The following CNTN6 variants were observed in gnomAD, a reference collection of about 807,000 sequenced individuals.
CNTN6 encodes contactin 6, also known as contactin-6.
In CNTN6, 137 loss-of-function variants were observed where a neutral mutation model predicts 122.8. The ratio of observed to expected loss-of-function variants is 1.12; its 90% CI spans 0.97 to 1.29. The LOEUF (loss-of-function observed/expected upper bound fraction) is 1.29. Ranked by LOEUF, CNTN6 falls within the 50% of genes most tolerant of loss-of-function variation. The probability of loss-of-function intolerance (pLI) is 0.00; values close to 1 mark genes in which losing one functional copy is unlikely to be tolerated. For missense variants in CNTN6, 1,634 were observed against 1,223.4 expected, an observed-to-expected ratio of 1.34 and a Z score of -5.01; for synonymous variants, 570 against 426.0, an observed-to-expected ratio of 1.34 and a Z score of -4.16.
At chr3:1,392,194 G>C (rs1694258886) in intron 20 of CNTN6, among the ~76,000 whole-genome samples, 1 of 152,246 alleles carries the variant, frequency 6.6e-6, no homozygotes, top group African/African-American at 2.4e-5. Context: ...CATGGTACTG[G>C]TACCAAAACA....
intron 4 of CNTN6, among the ~76,000 whole-genome samples, chr3:1,250,604 C>T (rs1010248690): frequency 1.4e-4 from 22 of 152,138 alleles, no homozygotes; most frequent in Admixed American, 1.4e-3. Flanking sequence ...ATTCTTAGGT[C>T]ACCCCTCATT....
At chr3:1,190,447 C>T (rs1214851359) in intron 2 of CNTN6, among the ~76,000 whole-genome samples, 1 of 152,184 alleles carries the variant, frequency 6.6e-6, no homozygotes, top group Non-Finnish European at 1.5e-5. Flanking sequence ...CTGAAACCGC[C>T]TTGCTTTTTG....
chr3:1,223,097 A>C (rs2094230721), intron 3 of CNTN6, among the ~76,000 whole-genome samples: 1 of 152,180 alleles, frequency 6.6e-6, no homozygotes, highest in Admixed American at 6.5e-5. Context: ...AAAAAGCCTC[A>C]CAACTATATT....
chr3:1,188,938 GTTATT>G (rs1226295952), intron 2 of CNTN6, among the ~76,000 whole-genome samples: 1 of 152,158 alleles, frequency 6.6e-6, no homozygotes, highest in Non-Finnish European at 1.5e-5. Context: ...CTAGGCTTGA[GTTATT>G]TTATTTGATT....
At chr3:1,098,783 C>CAT (rs1330153033) in intron 1 of CNTN6, among the ~76,000 whole-genome samples, 15 of 54,114 alleles carry the variant, frequency 2.8e-4, no homozygotes, top group East Asian at 5.8e-4. Flanking sequence ...CACACACACA[C>CAT]ACACACATAT....
At chr3:1,170,052 T>A (rs903553843) in intron 2 of CNTN6, among the ~76,000 whole-genome samples, 1 of 151,820 alleles carries the variant, frequency 6.6e-6, no homozygotes, top group Non-Finnish European at 1.5e-5. Flanking sequence ...CTGGCCAACA[T>A]TGTGAAGCCC....
chr3:1,319,153 A>G (rs910809843), intron 7 of CNTN6, among the ~76,000 whole-genome samples: 1 of 151,642 alleles, frequency 6.6e-6, no homozygotes, highest in African/African-American at 2.4e-5. Flanking sequence ...ACAAATACCT[A>G]GGCTTCAAGG....
Position 1,382,690 on chromosome 3 carries a change from GA to G in CNTN6, c.2167-247del, listed in dbSNP as rs565173132. Among the ~76,000 whole-genome samples the G allele has an allele frequency of 1.4e-4, 21 of 152,136 alleles. No individual in the cohort carries two copies. In the South Asian group the frequency reaches 4.1e-3, roughly 30 times the overall value. On this transcript the variant is annotated intron_variant, in intron 17 of 22. Transcript: ENST00000446702. Reference sequence around the variant, plus strand: ...TTATTATAATTTATGAATGATCAAAGAAAAATATATAAATATGTAAAGCTTG... The same window carrying G: ...TTATTATAATTTATGAATGATCAAAGAAAATATATAAATATGTAAAGCTTG...
At chr3:1,266,881 A>T (rs1013204686) in intron 4 of CNTN6, among the ~76,000 whole-genome samples, 1 of 146,868 alleles carries the variant, frequency 6.8e-6, no homozygotes, top group Non-Finnish European at 1.5e-5. Flanking sequence ...CTGGCCCAGG[A>T]GTGAATTACA....
intron 2 of CNTN6, among the ~76,000 whole-genome samples, chr3:1,158,537 A>C (rs2093028865): frequency 6.6e-6 from 1 of 151,450 alleles, no homozygotes; most frequent in Non-Finnish European, 1.5e-5. Flanking sequence ...TTTAAACTTG[A>C]TATGATCCCA....
intron 4 of CNTN6, among the ~76,000 whole-genome samples, chr3:1,228,297 T>A (rs79942560): frequency 0.019 from 2,914 of 152,226 alleles, 91 homozygotes; most frequent in African/African-American, 0.065. Context: ...TAGCATTCTT[T>A]TTCTTTTTCT....
chr3:1,238,573 T>C (rs918669000), intron 4 of CNTN6, among the ~76,000 whole-genome samples: 8 of 152,186 alleles, frequency 5.3e-5, no homozygotes, highest in African/African-American at 1.9e-4. Flanking sequence ...ACTTAAACTA[T>C]ATTCTAGAAC....
rs571002655 is a variant in CNTN6 at position 1,296,386 on chromosome 3, C to A, written c.658+582C>A. Among the ~76,000 whole-genome samples the A allele has an allele frequency of 2.6e-5, 4 of 152,164 alleles. No individual in the cohort carries two copies. The East Asian group carries it at 7.7e-4, about 29-fold the overall frequency. ...GAACATAATTCACACTAGTCTCTGA[C>A]GAGCTTTGTAGCTTAGTCAAGTCAT... On this transcript the variant is annotated intron_variant, in intron 6 of 22. Coordinates refer to ENST00000446702, the MANE Select transcript of CNTN6 (RefSeq NM_001289080.2).
intron 11 of CNTN6, among the ~76,000 whole-genome samples, chr3:1,347,482 G>A (rs549231055): frequency 4.6e-5 from 7 of 152,060 alleles, no homozygotes; most frequent in East Asian, 1.9e-4. Context: ...TACCAACACC[G>A]TAAGTCAAAT....
rs1296871662 is a variant in CNTN6, at chr3:1,309,557, C to T, written c.761+11566C>T. Among the ~76,000 whole-genome samples the T allele has an allele frequency of 3.3e-5, 5 of 152,298 alleles. No individual in the cohort carries two copies. In the South Asian group the frequency reaches 8.3e-4, roughly 25 times the overall value. On this transcript the variant is annotated intron_variant, in intron 7 of 22. Coordinates refer to ENST00000446702, the MANE Select transcript of CNTN6 (RefSeq NM_001289080.2). Reference sequence around the variant, plus strand: ...GGTAAATCCTGAAGTCAGGTAATGTCAGTACTCCAACTTTATTCTTCTTCT... The same window carrying T: ...GGTAAATCCTGAAGTCAGGTAATGTTAGTACTCCAACTTTATTCTTCTTCT...
At chr3:1,268,356 C>T (rs915027461) in intron 4 of CNTN6, among the ~76,000 whole-genome samples, 2 of 152,074 alleles carry the variant, frequency 1.3e-5, no homozygotes, top group African/African-American at 4.8e-5. Context: ...GCTTGTAATC[C>T]CAGCACTTTG....
At chr3:1,189,062 C>A in intron 2 of CNTN6, among the ~76,000 whole-genome samples, 1 of 151,174 alleles carries the variant, frequency 6.6e-6, no homozygotes, top group African/African-American at 2.4e-5. Context: ...CAAAACAAAA[C>A]AAAACAAAAA....
chr3:1,182,764 A>G (rs1013907348), intron 2 of CNTN6, among the ~76,000 whole-genome samples: 2 of 152,152 alleles, frequency 1.3e-5, no homozygotes, highest in African/African-American at 4.8e-5. Flanking sequence ...TCCAGCTATA[A>G]AAGTGTAATA....
Position 1,399,438 on chromosome 3 carries a change from T to A in CNTN6, c.2705-1995T>A, listed in dbSNP as rs547384364. Among the ~76,000 whole-genome samples, 292 of 152,076 alleles carry A rather than the reference T, an allele frequency of 1.9e-3. 2 individuals are homozygous for A. Among genetic ancestry groups the A allele is most frequent in the Non-Finnish European group, 3.0e-3 (207 of 67,902 alleles). ...GTACGTTGTACATTGACAAGCAAAG[T>A]AATGGATGCTTAGTAAGCTAAAAGC... On this transcript the variant is annotated intron_variant, in intron 20 of 22. Coordinates refer to ENST00000446702, the MANE Select transcript of CNTN6 (RefSeq NM_001289080.2).
Sources: gnomAD v4.1 joint callset for allele counts (sites outside exome capture counted in the v4.1 genomes callset) on GRCh38, gnomAD v4.1.1 for gene constraint, MANE v1.5 for transcripts, NCBI Gene and HGNC (gene_info 2026-07-23, HGNC 2026-07-21) for gene names.